The following SEH1L variants were observed in gnomAD, a reference collection of about 807,000 sequenced individuals.
SEH1L encodes the protein nucleoporin SEH1.
SEH1L carries 18 observed loss-of-function variants against 49.5 expected under a neutral mutation model. The ratio of observed to expected loss-of-function variants is 0.36; its 90% CI spans 0.25 to 0.54. The LOEUF is 0.54. Ranked by LOEUF, SEH1L falls within the 20% of genes least tolerant of loss-of-function variation. The pLI, the probability that SEH1L is intolerant of heterozygous loss-of-function variation, is 0.87. For synonymous variants in SEH1L, 169 were observed against 178.1 expected (o/e 0.95, Z 0.41); for missense variants, 404 against 528.8 (o/e 0.76, Z 2.31).
chr18:12,981,950 C>G (rs1427092368), intron 6 of SEH1L, among the ~76,000 whole-genome samples: 1 of 150,190 alleles, frequency 6.7e-6, no homozygotes, highest in Non-Finnish European at 1.5e-5. Context: ...ACCTCCACCT[C>G]CCAGGTTCAA....
At chr18:12,953,795 G>T (rs1330728097) in intron 2 of SEH1L, among the ~76,000 whole-genome samples, 1 of 152,012 alleles carries the variant, frequency 6.6e-6, no homozygotes, top group Non-Finnish European at 1.5e-5. Flanking sequence ...ATTCCAAAAG[G>T]AAACCCCATC....
intron 8 of SEH1L, chr18:12,985,379 T>C: frequency 6.8e-7 from 1 of 1,475,060 alleles, no homozygotes; most frequent in Non-Finnish European, 9.0e-7. Context: ...AGCAGCCTGC[T>C]TACTACTAAA....
intron 4 of SEH1L, among the ~76,000 whole-genome samples, chr18:12,963,953 T>G (rs1341878410): frequency 6.6e-6 from 1 of 152,244 alleles, no homozygotes; most frequent in Non-Finnish European, 1.5e-5. Context: ...CCTCAGGTGA[T>G]CTGCCTGCCT....
intron 5 of SEH1L, chr18:12,977,070 A>G (rs540047542): frequency 6.6e-6 from 1 of 152,352 alleles, no homozygotes; most frequent in East Asian, 1.9e-4. Flanking sequence ...TGCAGACCAC[A>G]CAGTAGAAGC....
intron 8 of SEH1L, chr18:12,984,951 G>T: frequency 3.4e-6 from 1 of 290,834 alleles, no homozygotes; most frequent in Non-Finnish European, 6.3e-6. Context: ...TTTTTATATT[G>T]TTATGTTTTC....
intron 2 of SEH1L, among the ~76,000 whole-genome samples, chr18:12,955,159 G>A (rs533988784): frequency 6.6e-6 from 1 of 151,168 alleles, no homozygotes; most frequent in Non-Finnish European, 1.5e-5. Context: ...CCAACTATCA[G>A]CACTGGAAGT....
chr18:12,967,781 G>A (rs2031516937), intron 4 of SEH1L, among the ~76,000 whole-genome samples: 2 of 152,282 alleles, frequency 1.3e-5, no homozygotes, highest in South Asian at 4.1e-4. Context: ...GGGCGTGGTG[G>A]TGTGCGCCTG....
intron 4 of SEH1L, among the ~76,000 whole-genome samples, chr18:12,966,028 T>C (rs1258310791): frequency 6.6e-6 from 1 of 152,174 alleles, no homozygotes; most frequent in African/African-American, 2.4e-5. Context: ...TGGATTATTA[T>C]GTGTTGGCCT....
intron 6 of SEH1L, among the ~76,000 whole-genome samples, chr18:12,979,750 A>ACC (rs1170761110): frequency 9.2e-6 from 1 of 109,148 alleles, no homozygotes; most frequent in African/African-American, 3.5e-5. Context: ...CGGGGGGCTG[A>ACC]CCCCCCCACC....
intron 4 of SEH1L, among the ~76,000 whole-genome samples, chr18:12,963,704 TTTGA>T (rs1047676224): frequency 6.6e-6 from 1 of 152,172 alleles, no homozygotes; most frequent in Middle Eastern, 3.2e-3. Context: ...AACCCATACA[TTTGA>T]TTGATTGATT....
intron 5 of SEH1L, 51 bp downstream of exon 5, chr18:12,971,302 T>A (rs757752688): frequency 7.2e-5 from 84 of 1,168,804 alleles, no homozygotes; most frequent in Non-Finnish European, 1.0e-4. Flanking sequence ...TTTAATTTTT[T>A]AAAATGTTAT....
At chr18:12,960,656 T>C (rs2031129512) in intron 3 of SEH1L, among the ~76,000 whole-genome samples, 1 of 152,214 alleles carries the variant, frequency 6.6e-6, no homozygotes, top group Non-Finnish European at 1.5e-5. Flanking sequence ...ATTTATAGAA[T>C]TATAAAAGTT....
At chr18:12,981,323 A>G (rs1045690233) in intron 6 of SEH1L, among the ~76,000 whole-genome samples, 13 of 152,186 alleles carry the variant, frequency 8.5e-5, no homozygotes, top group African/African-American at 1.7e-4. Flanking sequence ...AGAGGCTGCA[A>G]TCTCGGCACT....
At chr18:12,957,577 A>G (rs531748494) in intron 3 of SEH1L, among the ~76,000 whole-genome samples, 8 of 152,338 alleles carry the variant, frequency 5.3e-5, no homozygotes, top group South Asian at 4.1e-4. Flanking sequence ...GAACTAGATT[A>G]TATTTAAGAC....
intron 5 of SEH1L, chr18:12,972,407 A>G (rs1380554843): frequency 6.6e-6 from 1 of 152,216 alleles, no homozygotes; most frequent in East Asian, 1.9e-4. Flanking sequence ...AAGGTAAGTT[A>G]ATTTTGGTCA....
chr18:12,970,491 G>A (rs544669245), intron 4 of SEH1L, among the ~76,000 whole-genome samples: 2 of 152,308 alleles, frequency 1.3e-5, no homozygotes, highest in African/African-American at 4.8e-5. Flanking sequence ...CACGATCATA[G>A]CTCACTGCAG....
intron 4 of SEH1L, among the ~76,000 whole-genome samples, chr18:12,968,339 G>T (rs1302999654): frequency 6.6e-6 from 1 of 152,182 alleles, no homozygotes; most frequent in Admixed American, 6.5e-5. Flanking sequence ...AAGCAAGAAA[G>T]ATTTTCCGTT....
intron 8 of SEH1L, chr18:12,985,169 G>A: frequency 1.3e-6 from 2 of 1,500,844 alleles, no homozygotes; most frequent in South Asian, 1.2e-5. Flanking sequence ...TATTCTTATT[G>A]TGCCAATAAC....
chr18:12,970,443 G>A (rs2031648529), intron 4 of SEH1L, among the ~76,000 whole-genome samples: 1 of 151,958 alleles, frequency 6.6e-6, no homozygotes, highest in Non-Finnish European at 1.5e-5. Context: ...TTTTCTGAAA[G>A]AGACTCTCAC....
Sources: allele counts gnomAD v4.1 joint callset (sites outside exome capture counted in the v4.1 genomes callset), GRCh38; gene constraint gnomAD v4.1.1; transcripts MANE v1.5; gene names NCBI Gene and HGNC (gene_info 2026-07-23, HGNC 2026-07-21).